GPR155: variants seen among roughly 807,000 people sequenced by gnomAD.
GPR155 encodes the protein lysosomal cholesterol signaling protein.
GPR155 carries 65 observed loss-of-function variants against 93.1 expected under a neutral mutation model. The observed-to-expected ratio is 0.70, with a 90% CI of 0.57 to 0.86. GPR155 has a LOEUF of 0.86. Ranked by LOEUF, GPR155 falls within the 40% of genes least tolerant of loss-of-function variation. GPR155 has a pLI of 0.00. For missense variants in GPR155, 838 were observed against 1,034.8 expected (o/e 0.81, Z 2.61); for synonymous variants, 319 against 360.1 (o/e 0.89, Z 1.29).
rs1687081713 is a variant in GPR155 at position 174,445,158 on chromosome 2, A to G, written c.2032T>C (p.Trp678Arg). 9 of 1,562,442 alleles carry G rather than the reference A, an allele frequency of 5.8e-6. No individual in the cohort carries two copies. Among genetic ancestry groups the G allele is most frequent in the Non-Finnish European group, 7.9e-6 (9 of 1,133,106 alleles). ...CCAGGCTCTTGGTTGAATAGCCACC[A>G]TAAACAACTGGAAAGATTCTGTAAA... is the stretch of plus-strand genomic sequence containing the variant. ...GLFANLSSCLWWLFNQEPGRL... is the reference protein window; with the variant it reads ...GLFANLSSCLRWLFNQEPGRL... Residue 678 changes from tryptophan (W) to arginine (R), a missense_variant, in exon 13 of 16, where the codon TGG becomes CGG. By Grantham distance (101) the Trp-to-Arg change is moderately radical. Around this residue, in one of 3 missense-constraint regions of GPR155, gnomAD observed 29 missense variants for 67.1 expected, o/e 0.43. Transcript: ENST00000392552.
At position 174,439,976 on chromosome 2, in the gene GPR155, T is replaced by C. The variant is rs751608700; in HGVS notation, c.2234A>G (p.Glu745Gly). 106 of 1,611,220 alleles carry C rather than the reference T, an allele frequency of 6.6e-5. No individual in the cohort carries two copies. The highest frequency in any genetic ancestry group is 8.9e-5 in the Non-Finnish European group (105 of 1,177,674). Residue 745 changes from glutamate (E) to glycine (G), a missense_variant, in exon 15 of 16, where the codon GAG (glutamate) becomes GGG (glycine). Coordinates refer to ENST00000392552, the MANE Select transcript of GPR155 (RefSeq NM_152529.7). Reference protein sequence around the residue: ...TAENRDSPVSEEIKMTCQQFI... With the variant: ...TAENRDSPVSGEIKMTCQQFI... ...TTGTTGACAGGTCATTTTTATTTCC[T>C]CTGAAACAGGAGAATCCCTGTTTTC...
Position 174,482,178 on chromosome 2 carries a change from G to T in GPR155, c.-31-191C>A, listed in dbSNP as rs570768810. Among the ~76,000 whole-genome samples the T allele has an allele frequency of 1.1e-4, 17 of 152,300 alleles. No homozygotes were observed. In the East Asian group the frequency reaches 1.9e-3, roughly 17 times the overall value. The stretch of plus-strand genomic sequence containing the variant: ...GGGAAAATACAATGGAAAAAAAAGT[G>T]GGGGGTTGCTAACAATAATCGCTTC... On this transcript the variant is annotated intron_variant, in intron 1 of 15. Transcript: ENST00000392552.
At chr2:174,448,422 G>C (rs1034904165) in intron 11 of GPR155, among the ~76,000 whole-genome samples, 1 of 151,674 alleles carries the variant, frequency 6.6e-6, no homozygotes, top group African/African-American at 2.4e-5. Flanking sequence ...AGAAAACCTA[G>C]GAAACACCAT....
chr2:174,473,504 T>C (rs1404067698), intron 2 of GPR155, 140 bp from the exon 3 acceptor site: 4 of 552,368 alleles, frequency 7.2e-6, no homozygotes, highest in Non-Finnish European at 1.3e-5. Context: ...TTTGGAAAAG[T>C]ACATTTTAGT....
At chr2:174,467,728 T>C (rs1303220561) in intron 5 of GPR155, among the ~76,000 whole-genome samples, 1 of 152,148 alleles carries the variant, frequency 6.6e-6, no homozygotes, top group Non-Finnish European at 1.5e-5. Flanking sequence ...TTAAGATTAA[T>C]CATCTTACAT....
At chr2:174,448,530 GTTTT>G (rs565221876) in intron 11 of GPR155, among the ~76,000 whole-genome samples, 41,723 of 100,856 alleles carry the variant, frequency 0.41, 6,735 homozygotes, top group Non-Finnish European at 0.48. Flanking sequence ...TTTGTTTTTT[GTTTT>G]TTTTTTTTTT....
rs149581931 is a variant in GPR155, at chr2:174,486,265, G to A, written c.-32+608C>T. On this transcript the variant is annotated intron_variant, in intron 1 of 15. Transcript: ENST00000392552. The stretch of plus-strand genomic sequence containing the variant: ...CCTCCTTGCCTCGTCTGCAGGGACA[G>A]ACTGTGGCCCTCCAAGATAAGGGGC... Among the ~76,000 whole-genome samples the A allele has an allele frequency of 3.6e-3, 555 of 152,292 alleles. 5 individuals carry two copies. Among genetic ancestry groups the A allele is most frequent in the African/African-American group, 0.013 (534 of 41,550 alleles).
chr2:174,456,368 A>C (rs1299144222), intron 10 of GPR155, among the ~76,000 whole-genome samples: 1 of 149,994 alleles, frequency 6.7e-6, no homozygotes, highest in Non-Finnish European at 1.5e-5. Flanking sequence ...GCAGTGGTGC[A>C]CTCTTGGCTC....
Position 174,470,392 on chromosome 2 carries a change from T to TA in GPR155, c.1023_1024insT (p.Ile342TyrfsTer32). The stretch of plus-strand genomic sequence containing the variant: ...CTTAGAAAGTACTATATACATACAA[T>TA]TTCTACTTCCATGTTGAATTGTGTT... On this transcript the variant is annotated frameshift_variant, in exon 4 of 16. Transcript: ENST00000392552. LOFTEE classifies it high-confidence loss of function. 1.2e-6 allele frequency: 2 copies of TA among 1,611,934 alleles called. No homozygotes were observed. The highest frequency in any genetic ancestry group is 1.7e-6 in the Non-Finnish European group (2 of 1,178,490).
intron 10 of GPR155, among the ~76,000 whole-genome samples, chr2:174,456,336 G>T (rs12997466): frequency 0.26 from 39,025 of 149,686 alleles, 5,856 homozygotes; most frequent in Middle Eastern, 0.54. Flanking sequence ...ACAGTGTCTC[G>T]CTCCGTTTCC....
chr2:174,458,604 C>T (rs1248405773), intron 10 of GPR155, among the ~76,000 whole-genome samples: 1 of 152,096 alleles, frequency 6.6e-6, no homozygotes, highest in African/African-American at 2.4e-5. Flanking sequence ...ATACCTACTG[C>T]CTTAGTATAG....
In GPR155 at chr2:174,453,835, C is replaced by T. The variant is rs752156504; in HGVS notation, c.1778G>A (p.Cys593Tyr). 3.1e-6 allele frequency: 5 copies of T among 1,607,982 alleles called. No homozygotes were observed. The highest frequency in any genetic ancestry group is 4.3e-6 in the Non-Finnish European group (5 of 1,174,708). Reference sequence around the variant, plus strand: ...TTCACCATTTCCCATGGAGCAGGAGCAGCAACCTATATCAATCAAATAGTA... The same window carrying T: ...TTCACCATTTCCCATGGAGCAGGAGTAGCAACCTATATCAATCAAATAGTA... The part of the protein sequence containing the change: ...FTSSIPETSC[C>Y]SCSMGNGELH... Residue 593 changes from cysteine (C) to tyrosine (Y), a missense_variant, in exon 11 of 16, where the codon TGC becomes TAC. Physicochemically the swap from Cys to Tyr is radical, Grantham distance 194. This residue lies in a region of GPR155 where 663 missense variants were observed against 790.1 expected (regional missense o/e 0.84). Coordinates refer to ENST00000392552, the MANE Select transcript of GPR155 (RefSeq NM_152529.7).
intron 9 of GPR155, among the ~76,000 whole-genome samples, chr2:174,461,191 T>G (rs1363028031): frequency 6.6e-6 from 1 of 152,224 alleles, no homozygotes; most frequent in Non-Finnish European, 1.5e-5. Flanking sequence ...TCAATAAGTT[T>G]TAAGCATTTA....
At chr2:174,455,633 G>A (rs1333462785) in intron 10 of GPR155, among the ~76,000 whole-genome samples, 1 of 152,184 alleles carries the variant, frequency 6.6e-6, no homozygotes, top group African/African-American at 2.4e-5. Flanking sequence ...TGGGAGGTCA[G>A]GGGGAGGAGG....
At chr2:174,455,036 C>T (rs994730524) in intron 10 of GPR155, among the ~76,000 whole-genome samples, 1 of 152,094 alleles carries the variant, frequency 6.6e-6, no homozygotes, top group East Asian at 1.9e-4. Context: ...AGATACTGTA[C>T]ATCTCAAAAT....
intron 3 of GPR155, among the ~76,000 whole-genome samples, chr2:174,471,674 C>T (rs1688003098): frequency 6.6e-6 from 1 of 152,054 alleles, no homozygotes; most frequent in Non-Finnish European, 1.5e-5. Context: ...CACAGCAGCA[C>T]CTAGCAAGGC....
chr2:174,457,653 C>A (rs756551557), intron 10 of GPR155, among the ~76,000 whole-genome samples: 3 of 152,178 alleles, frequency 2.0e-5, no homozygotes. Flanking sequence ...GATGGTGTTT[C>A]ACCATGTTAG....
rs1365331374 is a variant in GPR155 at position 174,434,744 on chromosome 2, T to C, written c.*1372A>G. On this transcript the variant is annotated 3_prime_UTR_variant, in exon 16 of 16. Transcript: ENST00000392552. ...CCTCAGTCTCCAAAGTAGCTGGGAC[T>C]ACAGGCATGCACTACCACACCTGGG... 1 of 152,064 alleles carries C rather than the reference T, an allele frequency of 6.6e-6. No individual in the cohort carries two copies. Among genetic ancestry groups the C allele is most frequent in the African/African-American group, 2.4e-5 (1 of 41,404 alleles). The allele number at this position is 152,064 out of a possible 1,614,324, so 9.4% of individuals were successfully genotyped here.
At chr2:174,476,667 T>C (rs552083024) in intron 2 of GPR155, among the ~76,000 whole-genome samples, 1 of 152,182 alleles carries the variant, frequency 6.6e-6, no homozygotes, top group African/African-American at 2.4e-5. Flanking sequence ...GTCTCCACAA[T>C]TGGCCCCTTG....
Sources: allele counts gnomAD v4.1 joint callset (sites outside exome capture counted in the v4.1 genomes callset), GRCh38; gene constraint gnomAD v4.1.1; regional missense constraint gnomAD v4.1.1; transcripts MANE v1.5; gene names NCBI Gene and HGNC (gene_info 2026-07-23, HGNC 2026-07-21).